The following CAMK1D variants were observed in gnomAD, a reference collection of about 807,000 sequenced individuals.
CAMK1D encodes the protein calcium/calmodulin-dependent protein kinase type 1D.
A neutral mutation model predicts 47.7 loss-of-function variants in CAMK1D; 9 were observed. That is an observed-to-expected ratio of 0.19 (90% CI 0.11 to 0.33). The LOEUF is 0.33. CAMK1D is among the 10% of genes least tolerant of loss of function. CAMK1D has a pLI of 1.00. For missense variants in CAMK1D, 291 were observed against 488.7 expected, an observed-to-expected ratio of 0.60 and a Z score of 3.81; for synonymous variants, 184 against 184.9, an observed-to-expected ratio of 0.99 and a Z score of 0.04.
intron 1 of CAMK1D, among the ~76,000 whole-genome samples, chr10:12,509,430 C>T (rs2132160220): frequency 6.6e-6 from 1 of 152,316 alleles, no homozygotes; most frequent in Non-Finnish European, 1.5e-5. Flanking sequence ...CTGCCAGAAC[C>T]TTGAGGTTTT....
chr10:12,577,659 T>C (rs1297464096), intron 2 of CAMK1D, among the ~76,000 whole-genome samples: 1 of 152,216 alleles, frequency 6.6e-6, no homozygotes, highest in Non-Finnish European at 1.5e-5. Context: ...CAGTTCTCGA[T>C]TGGTTCACTC....
chr10:12,508,959 C>T (rs1372588385), intron 1 of CAMK1D, among the ~76,000 whole-genome samples: 1 of 152,182 alleles, frequency 6.6e-6, no homozygotes, highest in Non-Finnish European at 1.5e-5. Flanking sequence ...TTCCGTTTGT[C>T]CTGTTCATTG....
intron 1 of CAMK1D, among the ~76,000 whole-genome samples, chr10:12,473,757 C>A (rs1175926676): frequency 6.6e-6 from 1 of 152,130 alleles, no homozygotes; most frequent in South Asian, 2.1e-4. Flanking sequence ...GCGAGCATTG[C>A]AGAGCCATGG....
At chr10:12,705,154 A>G (rs1371087028) in intron 3 of CAMK1D, among the ~76,000 whole-genome samples, 1 of 152,156 alleles carries the variant, frequency 6.6e-6, no homozygotes, top group African/African-American at 2.4e-5. Flanking sequence ...AACAAAAAGA[A>G]AATAGAACAG....
intron 2 of CAMK1D, among the ~76,000 whole-genome samples, chr10:12,606,955 G>A (rs1018316806): frequency 6.6e-6 from 1 of 152,048 alleles, no homozygotes; most frequent in African/African-American, 2.4e-5. Flanking sequence ...AGCCTCCCTA[G>A]TAGCTGGGAA....
At chr10:12,664,876 A>G (rs1262601756) in intron 2 of CAMK1D, among the ~76,000 whole-genome samples, 4 of 152,228 alleles carry the variant, frequency 2.6e-5, no homozygotes, top group South Asian at 2.1e-4. Flanking sequence ...TTAACTCTCA[A>G]ATGAGCTGGA....
At chr10:12,463,886 AGT>A (rs1480153027) in intron 1 of CAMK1D, among the ~76,000 whole-genome samples, 1 of 151,886 alleles carries the variant, frequency 6.6e-6, no homozygotes, top group Non-Finnish European at 1.5e-5. Flanking sequence ...TGGTTGTATA[AGT>A]GTGTGGTAGT....
rs544990605 is a variant in CAMK1D at position 12,513,153 on chromosome 10, G to C, written c.93-40072G>C. 2.0e-5 allele frequency among the ~76,000 whole-genome samples: 3 copies of C among 152,258 alleles called. No homozygotes were observed. The South Asian group carries it at 6.2e-4, about 32-fold the overall frequency. On this transcript the variant is annotated intron_variant, in intron 1 of 10. Transcript: ENST00000619168. ...AGCCAGGTGTTTTGCTGGCTTTATT[G>C]CCTGGCCTTTTATTTTTCTGCCTCT...
intron 1 of CAMK1D, among the ~76,000 whole-genome samples, chr10:12,395,256 A>G (rs1838901389): frequency 6.6e-6 from 1 of 151,168 alleles, no homozygotes; most frequent in Admixed American, 6.6e-5. Context: ...TTTTTTTTGT[A>G]GAGACCAGGG....
At chr10:12,393,967 C>T (rs879134979) in intron 1 of CAMK1D, among the ~76,000 whole-genome samples, 2 of 152,322 alleles carry the variant, frequency 1.3e-5, no homozygotes, top group Admixed American at 6.5e-5. Context: ...GTATTGCAGA[C>T]CCCCCAGGTT....
At chr10:12,579,700 G>A (rs568656734) in intron 2 of CAMK1D, among the ~76,000 whole-genome samples, 9 of 152,180 alleles carry the variant, frequency 5.9e-5, no homozygotes, top group South Asian at 4.2e-4. Context: ...CCAGTGTTAC[G>A]CAAACATGAA....
intron 2 of CAMK1D, among the ~76,000 whole-genome samples, chr10:12,617,462 A>G (rs1443293546): frequency 6.6e-6 from 1 of 152,198 alleles, no homozygotes; most frequent in Non-Finnish European, 1.5e-5. Flanking sequence ...TCCTCAGAGC[A>G]GGGGAACAAG....
intron 2 of CAMK1D, among the ~76,000 whole-genome samples, chr10:12,577,268 C>T (rs1252020939): frequency 6.6e-6 from 1 of 152,158 alleles, no homozygotes; most frequent in Non-Finnish European, 1.5e-5. Flanking sequence ...GTTCCCAGCC[C>T]AGTTCCAGCT....
At chr10:12,427,295 G>A (rs886529908) in intron 1 of CAMK1D, among the ~76,000 whole-genome samples, 1 of 152,224 alleles carries the variant, frequency 6.6e-6, no homozygotes, top group African/African-American at 2.4e-5. Flanking sequence ...AGGCAAAAGG[G>A]GCCAGGGGAG....
At chr10:12,514,960 C>T (rs567715682) in intron 1 of CAMK1D, among the ~76,000 whole-genome samples, 16 of 152,298 alleles carry the variant, frequency 1.1e-4, no homozygotes, top group Admixed American at 9.2e-4. Flanking sequence ...AAGTGATTCT[C>T]CTGCCTCAGC....
At chr10:12,394,787 A>T (rs1838880486) in intron 1 of CAMK1D, among the ~76,000 whole-genome samples, 1 of 152,174 alleles carries the variant, frequency 6.6e-6, no homozygotes, top group Non-Finnish European at 1.5e-5. Flanking sequence ...TTATAGTGTT[A>T]GCTCGTGACA....
At chr10:12,696,993 C>T (rs7901290) in intron 3 of CAMK1D, among the ~76,000 whole-genome samples, 46,485 of 151,930 alleles carry the variant, frequency 0.31, 7,492 homozygotes, top group Middle Eastern at 0.41. Context: ...CACACTTGTA[C>T]GACTTCTCAC....
At chr10:12,688,239 G>A (rs534615313) in intron 3 of CAMK1D, among the ~76,000 whole-genome samples, 21 of 152,304 alleles carry the variant, frequency 1.4e-4, no homozygotes, top group Non-Finnish European at 2.5e-4. Context: ...CCTGGGTACT[G>A]GGTGAACACG....
intron 2 of CAMK1D, among the ~76,000 whole-genome samples, chr10:12,611,615 A>C (rs1838627165): frequency 2.8e-5 from 1 of 36,310 alleles, no homozygotes; most frequent in African/African-American, 5.5e-5. Flanking sequence ...TTTTTGAGAC[A>C]GAGTCTTACT....
Sources: gnomAD v4.1 joint callset for allele counts (sites outside exome capture counted in the v4.1 genomes callset) on GRCh38, gnomAD v4.1.1 for gene constraint, MANE v1.5 for transcripts, NCBI Gene and HGNC (gene_info 2026-07-23, HGNC 2026-07-21) for gene names.